The following PCDH11X variants were observed in gnomAD, a reference collection of about 807,000 sequenced individuals.
The protein encoded by PCDH11X is protocadherin-11 X-linked.
PCDH11X carries 18 observed loss-of-function variants against 53.3 expected under a neutral mutation model. The observed-to-expected ratio is 0.34, with a 90% CI of 0.23 to 0.50. PCDH11X has a LOEUF of 0.50. Among genes scored for constraint, PCDH11X ranks in the 20% least tolerant of loss-of-function variants. PCDH11X has a pLI of 0.98. For synonymous variants in PCDH11X, 279 were observed against 393.3 expected (o/e 0.71, Z 3.44); for missense variants, 570 against 1,032.4 (o/e 0.55, Z 6.14).
At chrX:91,875,880 T>G (rs1217081602) in intron 5 of PCDH11X, among the ~76,000 whole-genome samples, 1 of 110,363 alleles carries the variant, frequency 9.1e-6, no homozygotes, top group Non-Finnish European at 1.9e-5. Flanking sequence ...GCTAAAGGTT[T>G]TAGCTGTATT....
intron 4 of PCDH11X, among the ~76,000 whole-genome samples, chrX:91,825,315 G>A (rs1936874280): frequency 9.0e-6 from 1 of 110,926 alleles, no homozygotes; most frequent in African/African-American, 3.3e-5. Context: ...TGCTGTGCTA[G>A]CAATCAGCGA....
chrX:92,266,426 A>T (rs987523651), intron 8 of PCDH11X, among the ~76,000 whole-genome samples: 2 of 112,210 alleles, frequency 1.8e-5, no homozygotes, highest in African/African-American at 3.2e-5. Flanking sequence ...AAAGAAGAAG[A>T]TAATTTCTCA....
At chrX:91,994,537 C>T (rs867025941) in intron 6 of PCDH11X, among the ~76,000 whole-genome samples, 17 of 81,421 alleles carry the variant, frequency 2.1e-4, no homozygotes, top group African/African-American at 4.5e-4. Flanking sequence ...ACATTTTCTT[C>T]ATTTATATAT....
intron 10 of PCDH11X, among the ~76,000 whole-genome samples, chrX:92,524,931 C>T (rs1383969429): frequency 9.0e-6 from 1 of 111,167 alleles, no homozygotes; most frequent in Non-Finnish European, 1.9e-5. Flanking sequence ...ATAATTAATC[C>T]TCAACCTACC....
intron 6 of PCDH11X, among the ~76,000 whole-genome samples, chrX:91,946,762 C>T (rs1237641058): frequency 1.0e-5 from 1 of 96,498 alleles, no homozygotes; most frequent in East Asian, 3.3e-4. Flanking sequence ...TCACTGTTTT[C>T]TTCTTTTGTT....
chrX:92,381,151 C>T (rs2070867342), intron 8 of PCDH11X, among the ~76,000 whole-genome samples: 2 of 102,002 alleles, frequency 2.0e-5, no homozygotes, highest in Non-Finnish European at 4.0e-5. Flanking sequence ...TACTATCTTC[C>T]ACACTGGTGA....
chrX:92,099,786 T>C (rs189804999), intron 6 of PCDH11X, among the ~76,000 whole-genome samples: 2,264 of 111,274 alleles, frequency 0.02, 26 homozygotes, highest in Middle Eastern at 0.037. Context: ...AAATTCTGCT[T>C]GTATTTATAT....
chrX:92,220,779 G>A (rs751951961), intron 7 of PCDH11X, among the ~76,000 whole-genome samples: 1 of 105,842 alleles, frequency 9.4e-6, no homozygotes, highest in Non-Finnish European at 1.9e-5. Context: ...ATTCACAATA[G>A]CAAAGACTTG....
chrX:92,314,452 G>A lies in PCDH11X; in HGVS notation c.3144+51309G>A, dbSNP rs760005734. ...ACAACTAATTTCTTTTCCAAAGTAG[G>A]AGTACACTCTAAAATAATGATAAAA... is the stretch of plus-strand genomic sequence containing the variant. On this transcript the variant is annotated intron_variant, in intron 8 of 10. Transcript: ENST00000682573. 2.7e-5 allele frequency among the ~76,000 whole-genome samples: 3 copies of A among 111,290 alleles called. No individual in the cohort carries two copies. In the South Asian group the frequency reaches 1.1e-3, roughly 42 times the overall value.
At chrX:92,042,142 C>G (rs1027104927) in intron 6 of PCDH11X, among the ~76,000 whole-genome samples, 157 of 109,898 alleles carry the variant, frequency 1.4e-3, no homozygotes, top group Non-Finnish European at 2.6e-3. Context: ...TGAATATTTC[C>G]CATGCAATCC....
At chrX:92,452,611 T>C (rs1393052166) in intron 9 of PCDH11X, among the ~76,000 whole-genome samples, 1 of 96,281 alleles carries the variant, frequency 1.0e-5, no homozygotes, top group Non-Finnish European at 2.1e-5. Flanking sequence ...AATTCACCTG[T>C]CTCAGCCTCC....
intron 6 of PCDH11X, among the ~76,000 whole-genome samples, chrX:92,165,356 A>G (rs2065715419): frequency 8.9e-6 from 1 of 112,043 alleles, no homozygotes; most frequent in Admixed American, 9.5e-5. Flanking sequence ...TTTATTGACA[A>G]AGAACATGGA....
At chrX:92,347,101 T>C (rs902055829) in intron 8 of PCDH11X, among the ~76,000 whole-genome samples, 9 of 112,102 alleles carry the variant, frequency 8.0e-5, no homozygotes, top group African/African-American at 2.6e-4. Context: ...ACCTTAAGTA[T>C]GTATTGAGTT....
At chrX:91,792,192 G>A (rs773387473) in intron 1 of PCDH11X, among the ~76,000 whole-genome samples, 1 of 110,784 alleles carries the variant, frequency 9.0e-6, no homozygotes, top group Non-Finnish European at 1.9e-5. Flanking sequence ...AATTTACAAT[G>A]GCATTAAAAT....
At chrX:92,098,636 CTTTTTTTTTTTTTTTT>C (rs34306564) in intron 6 of PCDH11X, among the ~76,000 whole-genome samples, 31 of 43,910 alleles carry the variant, frequency 7.1e-4, no homozygotes, top group African/African-American at 2.8e-3. Flanking sequence ...TCCAAATGCT[CTTTTTTTTTTTTTTTT>C]TTTTTTTTTT....
intron 6 of PCDH11X, among the ~76,000 whole-genome samples, chrX:92,190,689 CAATT>C (rs898594223): frequency 6.9e-4 from 76 of 110,884 alleles, no homozygotes; most frequent in African/African-American, 2.3e-3. Flanking sequence ...AATAAATAAA[CAATT>C]AATTTTTTCA....
At chrX:91,894,591 C>T (rs146252087) in intron 6 of PCDH11X, among the ~76,000 whole-genome samples, 2,485 of 111,330 alleles carry the variant, frequency 0.022, 71 homozygotes, top group African/African-American at 0.077. Context: ...TTCTTAGAAA[C>T]AATTATATCT....
At chrX:92,110,828 C>T (rs1056382072) in intron 6 of PCDH11X, among the ~76,000 whole-genome samples, 13 of 110,872 alleles carry the variant, frequency 1.2e-4, no homozygotes, top group African/African-American at 4.3e-4. Flanking sequence ...CTTGACTTTT[C>T]CCTTTGGATA....
chrX:91,822,829 C>G (rs1226924486), intron 4 of PCDH11X, among the ~76,000 whole-genome samples: 5 of 111,716 alleles, frequency 4.5e-5, no homozygotes, highest in South Asian at 3.7e-4. Flanking sequence ...AAATTTCCCT[C>G]TACACACTGC....
Sources: gnomAD v4.1 joint callset for allele counts (sites outside exome capture counted in the v4.1 genomes callset) on GRCh38, gnomAD v4.1.1 for gene constraint, MANE v1.5 for transcripts, NCBI Gene and HGNC (gene_info 2026-07-23, HGNC 2026-07-21) for gene names.